Variants in TLL1 observed in about 807,000 individuals in gnomAD.
The protein encoded by TLL1 is tolloid like 1.
A neutral mutation model predicts 128.2 loss-of-function variants in TLL1; 49 were observed. The observed-to-expected ratio is 0.38, with a 90% CI of 0.30 to 0.48. TLL1 has a LOEUF of 0.48. TLL1 is among the 20% of genes least tolerant of loss of function. The pLI, the probability that TLL1 is intolerant of heterozygous loss-of-function variation, is 0.96. For missense variants in TLL1, 1,123 were observed against 1,242.0 expected (o/e 0.90, Z 1.44); for synonymous variants, 454 against 418.8 (o/e 1.08, Z -1.03).
At chr4:166,054,935 G>C in intron 12 of TLL1, 141 bp from the exon 13 acceptor site, 2 of 656,866 alleles carry the variant, frequency 3.0e-6, no homozygotes, top group Non-Finnish European at 5.0e-6. Flanking sequence ...ACGTTCATGA[G>C]AAACATTCAA....
intron 16 of TLL1, among the ~76,000 whole-genome samples, chr4:166,073,380 T>C (rs968124393): frequency 5.3e-5 from 8 of 152,182 alleles, no homozygotes; most frequent in Admixed American, 4.6e-4. Flanking sequence ...AAAATTATGG[T>C]AAATTTCTCT....
chr4:166,019,225 T>C (rs1233827264), intron 8 of TLL1, among the ~76,000 whole-genome samples: 2 of 152,174 alleles, frequency 1.3e-5, no homozygotes, highest in East Asian at 3.8e-4. Flanking sequence ...ATACTGCATG[T>C]TCTCACTTAT....
At chr4:165,874,305 C>A (rs950038983) in intron 1 of TLL1, among the ~76,000 whole-genome samples, 1 of 152,142 alleles carries the variant, frequency 6.6e-6, no homozygotes, top group Non-Finnish European at 1.5e-5. Flanking sequence ...GCTCCCATCT[C>A]CCAGTTTGGG....
At chr4:166,095,141 T>A (rs2111162769) in intron 19 of TLL1, among the ~76,000 whole-genome samples, 1 of 152,214 alleles carries the variant, frequency 6.6e-6, no homozygotes, top group Non-Finnish European at 1.5e-5. Flanking sequence ...TAGGTAAATT[T>A]ATATTTCTGT....
At position 165,984,080 on chromosome 4, in the gene TLL1, G is replaced by C. The variant is rs566502188; in HGVS notation, c.170-5301G>C. On this transcript the variant is annotated intron_variant, in intron 1 of 20. Transcript: ENST00000061240. ...ATAAAACATTGCATGGGATGCCTTT[G>C]TATGAACAAACACTAAAATAATGGA... Among the ~76,000 whole-genome samples the C allele has an allele frequency of 1.1e-3, 170 of 151,914 alleles. 1 individual carries two copies. Among genetic ancestry groups the C allele is most frequent in the South Asian group, 2.1e-3 (10 of 4,824 alleles).
intron 12 of TLL1, among the ~76,000 whole-genome samples, chr4:166,051,098 A>T (rs1328342267): frequency 6.6e-6 from 1 of 152,102 alleles, no homozygotes; most frequent in Admixed American, 6.6e-5. Flanking sequence ...GCTTACCTTA[A>T]AGTGTGTAAG....
intron 1 of TLL1, among the ~76,000 whole-genome samples, chr4:165,983,066 TA>T (rs1736225325): frequency 6.6e-6 from 1 of 151,896 alleles, no homozygotes; most frequent in African/African-American, 2.4e-5. Flanking sequence ...TTTATTTTCT[TA>T]AAGCTCAGGA....
intron 9 of TLL1, among the ~76,000 whole-genome samples, chr4:166,027,195 C>A (rs775068686): frequency 6.6e-6 from 1 of 151,844 alleles, no homozygotes; most frequent in Non-Finnish European, 1.5e-5. Flanking sequence ...CATTGAGCAC[C>A]CATAGACACA....
At chr4:166,071,199 G>A (rs938438475) in intron 16 of TLL1, among the ~76,000 whole-genome samples, 1 of 151,850 alleles carries the variant, frequency 6.6e-6, no homozygotes, top group Non-Finnish European at 1.5e-5. Flanking sequence ...GAAGCTTTCT[G>A]CAAAGAGAAA....
intron 1 of TLL1, among the ~76,000 whole-genome samples, chr4:165,917,015 A>C (rs940417793): frequency 1.3e-5 from 2 of 152,104 alleles, no homozygotes; most frequent in African/African-American, 4.8e-5. Flanking sequence ...CTTGTAGTTT[A>C]ATACATTAGA....
chr4:166,081,863 T>C (rs1345523387), intron 18 of TLL1, among the ~76,000 whole-genome samples: 1 of 152,036 alleles, frequency 6.6e-6, no homozygotes, highest in African/African-American at 2.4e-5. Context: ...GTTTTAAAAA[T>C]AGCAATACTC....
At chr4:166,022,951 G>A (rs1212824365) in intron 8 of TLL1, among the ~76,000 whole-genome samples, 3 of 152,148 alleles carry the variant, frequency 2.0e-5, no homozygotes, top group Non-Finnish European at 4.4e-5. Context: ...TATTATTGCA[G>A]AAGTAGTTGT....
intron 1 of TLL1, among the ~76,000 whole-genome samples, chr4:165,955,770 C>T (rs548164599): frequency 6.6e-6 from 1 of 152,250 alleles, no homozygotes; most frequent in East Asian, 1.9e-4. Flanking sequence ...ACCAGCCTTA[C>T]AAGAGGTCTT....
chr4:166,020,658 C>G (rs539430921), intron 8 of TLL1, among the ~76,000 whole-genome samples: 1 of 152,136 alleles, frequency 6.6e-6, no homozygotes, highest in Non-Finnish European at 1.5e-5. Flanking sequence ...TTGTTTTAAT[C>G]TGCATTTTAT....
intron 16 of TLL1, among the ~76,000 whole-genome samples, chr4:166,067,662 C>T (rs1165807566): frequency 3.3e-5 from 5 of 151,692 alleles, no homozygotes; most frequent in African/African-American, 7.3e-5. Flanking sequence ...AAGTATTTAT[C>T]AGTGCACTTA....
intron 1 of TLL1, among the ~76,000 whole-genome samples, chr4:165,902,772 A>G (rs922403706): frequency 2.6e-5 from 4 of 152,206 alleles, no homozygotes; most frequent in Admixed American, 6.5e-5. Flanking sequence ...GGCTGGAACA[A>G]TTGGATATCT....
chr4:166,054,331 C>T (rs188614098), intron 12 of TLL1, among the ~76,000 whole-genome samples: 1 of 152,076 alleles, frequency 6.6e-6, no homozygotes, highest in Admixed American at 6.6e-5. Context: ...AGATTTATAA[C>T]CAAAAATAGT....
At chr4:165,896,818 A>C (rs960419538) in intron 1 of TLL1, among the ~76,000 whole-genome samples, 3 of 152,098 alleles carry the variant, frequency 2.0e-5, no homozygotes, top group Non-Finnish European at 4.4e-5. Context: ...TCCTTGATGA[A>C]TCGCCACACT....
At chr4:165,978,308 A>G (rs10008668) in intron 1 of TLL1, among the ~76,000 whole-genome samples, 13,142 of 151,936 alleles carry the variant, frequency 0.086, 1,763 homozygotes, top group African/African-American at 0.29. Context: ...GGAAATATAT[A>G]TACATACAAT....
Sources: gnomAD v4.1 joint callset for allele counts (sites outside exome capture counted in the v4.1 genomes callset) on GRCh38, gnomAD v4.1.1 for gene constraint, MANE v1.5 for transcripts, NCBI Gene and HGNC (gene_info 2026-07-23, HGNC 2026-07-21) for gene names.